POC1A: variants seen among roughly 807,000 people sequenced by gnomAD.
POC1A encodes POC1 centriolar protein A.
POC1A carries 34 observed loss-of-function variants against 47.8 expected under a neutral mutation model. The ratio of observed to expected loss-of-function variants is 0.71; its 90% CI spans 0.54 to 0.95. The LOEUF is 0.95. POC1A is among the 40% of genes least tolerant of loss of function. POC1A has a pLI of 0.00. For synonymous variants in POC1A, 177 were observed against 207.6 expected, an observed-to-expected ratio of 0.85 and a Z score of 1.27; for missense variants, 466 against 528.3, an observed-to-expected ratio of 0.88 and a Z score of 1.16.
chr3:52,135,524 T>G (rs1418659657), intron 7 of POC1A, among the ~76,000 whole-genome samples: 1 of 152,186 alleles, frequency 6.6e-6, no homozygotes, highest in Non-Finnish European at 1.5e-5. Flanking sequence ...AGTGCTGGGA[T>G]GACAGGAGTG....
At chr3:52,132,752 A>C (rs1704270545) in intron 7 of POC1A, among the ~76,000 whole-genome samples, 1 of 152,134 alleles carries the variant, frequency 6.6e-6, no homozygotes, top group African/African-American at 2.4e-5. Context: ...TGATACTGAA[A>C]TTGAATCCCC....
At chr3:52,100,154 T>C (rs1158098062) in intron 9 of POC1A, among the ~76,000 whole-genome samples, 2 of 152,314 alleles carry the variant, frequency 1.3e-5, no homozygotes, top group Non-Finnish European at 2.9e-5. Context: ...CAGGAGCTCA[T>C]CACTTCACAC....
At chr3:52,110,494 A>C (rs1559826080) in intron 9 of POC1A, among the ~76,000 whole-genome samples, 1 of 152,262 alleles carries the variant, frequency 6.6e-6, no homozygotes. Flanking sequence ...AGCTTAAAAA[A>C]ATAGAATGAA....
chr3:52,135,888 CT>C (rs2107149888), intron 7 of POC1A, among the ~76,000 whole-genome samples: 1 of 152,312 alleles, frequency 6.6e-6, no homozygotes, highest in Non-Finnish European at 1.5e-5. Flanking sequence ...ACATCGGGAC[CT>C]TTCAACCCAG....
chr3:52,112,582 C>T (rs955647075), intron 9 of POC1A, among the ~76,000 whole-genome samples: 2 of 152,184 alleles, frequency 1.3e-5, no homozygotes, highest in African/African-American at 4.8e-5. Context: ...GCAGAGGTTG[C>T]AGTGAGCCGA....
At chr3:52,151,974 C>A (rs1391513449) in intron 1 of POC1A, among the ~76,000 whole-genome samples, 1 of 152,056 alleles carries the variant, frequency 6.6e-6, no homozygotes, top group Non-Finnish European at 1.5e-5. Flanking sequence ...TTGGCAGTTC[C>A]TCAAAAAGTT....
chr3:52,145,815 C>T, intron 6 of POC1A, 31 bp downstream of exon 6: 10 of 1,425,000 alleles, frequency 7.0e-6, no homozygotes, highest in Non-Finnish European at 8.9e-6. Flanking sequence ...CCAGGGCTGC[C>T]CTTGGGCCCA....
At chr3:52,119,924 G>A (rs956385124) in intron 9 of POC1A, among the ~76,000 whole-genome samples, 1 of 152,022 alleles carries the variant, frequency 6.6e-6, no homozygotes, top group Admixed American at 6.5e-5. Context: ...GAGGCTCATC[G>A]GACTCACAAG....
intron 6 of POC1A, among the ~76,000 whole-genome samples, chr3:52,143,267 G>A (rs1698257047): frequency 6.6e-6 from 1 of 151,966 alleles, no homozygotes; most frequent in South Asian, 2.1e-4. Flanking sequence ...CTCAGCCCCT[G>A]GAGCTCATCT....
Position 52,094,957 on chromosome 3 carries a change from C to G in POC1A, c.1125+1612G>C, listed in dbSNP as rs79739827. Among the ~76,000 whole-genome samples, 1,103 of 152,342 alleles carry G rather than the reference C, an allele frequency of 7.2e-3. 16 individuals are homozygous for G. The highest frequency in any genetic ancestry group is 0.025 in the African/African-American group (1,043 of 41,580). On this transcript the variant is annotated intron_variant, in intron 10 of 10. Coordinates refer to ENST00000296484, the MANE Select transcript of POC1A (RefSeq NM_015426.5). ...TTACTATCATACTCCTAACTGTGAA[C>G]ACATAACAAAACCTTCCATGTGCAC...
At chr3:52,142,383 T>C (rs768846207) in intron 6 of POC1A, among the ~76,000 whole-genome samples, 2 of 152,214 alleles carry the variant, frequency 1.3e-5, no homozygotes, top group Non-Finnish European at 2.9e-5. Context: ...TCTGCAGTGA[T>C]AGGCCAGAGC....
At chr3:52,115,596 G>C (rs1490736034) in intron 9 of POC1A, among the ~76,000 whole-genome samples, 1 of 152,130 alleles carries the variant, frequency 6.6e-6, no homozygotes, top group African/African-American at 2.4e-5. Context: ...TTAGGAGGTG[G>C]GGCCTTTGGG....
chr3:52,141,155 C>A (rs1698179899), intron 6 of POC1A, among the ~76,000 whole-genome samples: 1 of 152,248 alleles, frequency 6.6e-6, no homozygotes, highest in Non-Finnish European at 1.5e-5. Flanking sequence ...GCCACCACAG[C>A]CCCTGCTCCC....
chr3:52,084,553 C>G lies in POC1A; in HGVS notation c.1126-8568G>C, dbSNP rs374628833. ...GCTGCGAGGAAAGCTACTCCACCAC[C>G]ACTGACAGCAAAGAACATCTTAGGG... On this transcript the variant is annotated intron_variant, in intron 10 of 10. Coordinates refer to ENST00000296484, the MANE Select transcript of POC1A (RefSeq NM_015426.5). This position sits in a 1 kb window ranked among gnomAD's most constrained non-coding sequence, Gnocchi z 4.3. Among the ~76,000 whole-genome samples the G allele has an allele frequency of 6.6e-6, 1 of 152,232 alleles. No individual in the cohort carries two copies.
chr3:52,077,820 C>T (rs944445354), intron 10 of POC1A, among the ~76,000 whole-genome samples: 2 of 151,604 alleles, frequency 1.3e-5, no homozygotes, highest in African/African-American at 4.9e-5. Flanking sequence ...AAACTTTTCA[C>T]AGGAACCCAA....
intron 9 of POC1A, among the ~76,000 whole-genome samples, chr3:52,119,371 G>C (rs1168846719): frequency 6.6e-6 from 1 of 151,766 alleles, no homozygotes; most frequent in Non-Finnish European, 1.5e-5. Context: ...CCACCAGAGG[G>C]ACATTTGGCA....
intron 7 of POC1A, among the ~76,000 whole-genome samples, chr3:52,133,633 C>T (rs1704321289): frequency 6.6e-6 from 1 of 152,154 alleles, no homozygotes; most frequent in African/African-American, 2.4e-5. Flanking sequence ...TGTCCTGGCG[C>T]TCCTTGTACC....
intron 7 of POC1A, among the ~76,000 whole-genome samples, chr3:52,128,817 A>AT (rs1194336674): frequency 6.6e-6 from 1 of 152,014 alleles, no homozygotes; most frequent in Non-Finnish European, 1.5e-5. Flanking sequence ...GGTATTTTCA[A>AT]TTTTTTTGGT....
At chr3:52,146,533 G>C (rs1415313599) in intron 5 of POC1A, among the ~76,000 whole-genome samples, 1 of 152,240 alleles carries the variant, frequency 6.6e-6, no homozygotes, top group Non-Finnish European at 1.5e-5. Context: ...TCTCTCTCCT[G>C]ATGATGTGGC....
Sources: gnomAD v4.1 joint callset for allele counts (sites outside exome capture counted in the v4.1 genomes callset) on GRCh38, gnomAD v4.1.1 for gene constraint, Gnocchi (gnomAD v3.1) non-coding constraint, MANE v1.5 for transcripts, NCBI Gene and HGNC (gene_info 2026-07-23, HGNC 2026-07-21) for gene names.